The following BCO2 variants were observed in gnomAD, a reference collection of about 807,000 sequenced individuals.
The protein encoded by BCO2 is beta-carotene oxygenase 2.
A neutral mutation model predicts 65.8 loss-of-function variants in BCO2; 56 were observed. That is an observed-to-expected ratio of 0.85 (90% confidence interval 0.69 to 1.06). The LOEUF (loss-of-function observed/expected upper bound fraction) is 1.06. Ranked by LOEUF, BCO2 falls within the 50% of genes least tolerant of loss-of-function variation. BCO2 has a pLI of 0.00. For synonymous variants in BCO2, 233 were observed against 242.3 expected (o/e 0.96, Z 0.36); for missense variants, 675 against 698.5 (o/e 0.97, Z 0.38).
At chr11:112,182,553 G>C (rs1460684492) in intron 2 of BCO2, among the ~76,000 whole-genome samples, 1 of 152,174 alleles carries the variant, frequency 6.6e-6, no homozygotes, top group Non-Finnish European at 1.5e-5. Context: ...CCTTTGCAGG[G>C]ACATGGATGA....
chr11:112,193,731 T>C (rs750315430), intron 3 of BCO2, 34 bp downstream of exon 3: 34 of 1,578,162 alleles, frequency 2.2e-5, no homozygotes, highest in Non-Finnish European at 2.9e-5. Context: ...TATTACGATA[T>C]ATAACCATCT....
At chr11:112,184,967 C>G (rs537904050) in intron 2 of BCO2, among the ~76,000 whole-genome samples, 13 of 152,220 alleles carry the variant, frequency 8.5e-5, no homozygotes, top group Non-Finnish European at 5.9e-5. Context: ...CAAAGCTTTC[C>G]TTAACAGTAA....
chr11:112,184,865 G>C (rs1566770389), intron 2 of BCO2, among the ~76,000 whole-genome samples: 1 of 152,004 alleles, frequency 6.6e-6, no homozygotes, highest in Non-Finnish European at 1.5e-5. Flanking sequence ...ATCAACATGA[G>C]GCAAGGAATC....
intron 5 of BCO2, 85 bp downstream of exon 5, chr11:112,194,840 T>A: frequency 2.2e-6 from 2 of 897,152 alleles, no homozygotes; most frequent in Non-Finnish European, 3.5e-6. Context: ...GGTTTGTTTT[T>A]TACTGGCACA....
At position 112,215,355 on chromosome 11, in the gene BCO2, G is replaced by A. The variant is rs150120803; in HGVS notation, c.1515+411G>A. 3.8e-3 allele frequency: 930 copies of A among 242,174 alleles called. 3 individuals are homozygous for A. Among genetic ancestry groups the A allele is most frequent in the Middle Eastern group, 6.3e-3 (4 of 632 alleles). 15.0% of individuals were successfully genotyped at this position (242,174 alleles called of 1,614,324 possible). A position where few individuals can be genotyped will look rare whatever the true frequency, so the allele number is the denominator to read the frequency against. On this transcript the variant is annotated intron_variant, in intron 10 of 11. Transcript: ENST00000357685. The stretch of plus-strand genomic sequence containing the variant: ...TTACTTTTGGAATATTCTATTGACA[G>A]CCTGTGTTAGTCTGTTCTGTGTTGT...
rs1258450400 is a variant in BCO2 at position 112,194,696 on chromosome 11, A to G, written c.677A>G (p.His226Arg). The G allele has an allele frequency of 2.5e-6, 4 of 1,613,446 alleles. No homozygotes were observed. In the South Asian group the frequency reaches 3.3e-5, roughly 13 times the overall value. The change falls in exon 5 of 12, where the codon CAT (histidine) becomes CGT (arginine). Residue 226 changes from histidine (H) to arginine (R), a missense_variant. Coordinates refer to ENST00000357685, the MANE Select transcript of BCO2 (RefSeq NM_031938.7). ...ATTGCTGTGAATGGAGCAACTGCACATCCTCATTATGACCTGGATGGAACA... is the reference window on the plus strand; with the variant it reads ...ATTGCTGTGAATGGAGCAACTGCACGTCCTCATTATGACCTGGATGGAACA... ...KFIAVNGATA[H>R]PHYDLDGTAY...
At chr11:112,182,477 C>T (rs1368416301) in intron 2 of BCO2, among the ~76,000 whole-genome samples, 2 of 152,036 alleles carry the variant, frequency 1.3e-5, no homozygotes, top group Non-Finnish European at 2.9e-5. Flanking sequence ...ATAGACTGGA[C>T]TAAGAAAATG....
Position 112,191,099 on chromosome 11 carries a change from C to G in BCO2, c.294-2375C>G, listed in dbSNP as rs192594785. On this transcript the variant is annotated intron_variant, in intron 2 of 11. Coordinates refer to ENST00000357685, the MANE Select transcript of BCO2 (RefSeq NM_031938.7). ...AGAAACAGGAAGGGATGGTCAGTATCTTCACTACTGTTCAACATTGTACCA... is the reference window on the plus strand; with the variant it reads ...AGAAACAGGAAGGGATGGTCAGTATGTTCACTACTGTTCAACATTGTACCA... 5.7e-4 allele frequency among the ~76,000 whole-genome samples: 86 copies of G among 151,648 alleles called. No individual in the cohort carries two copies. In the Middle Eastern group the frequency reaches 0.014, roughly 24 times the overall value.
At chr11:112,213,988 A>C in intron 9 of BCO2, 127 bp downstream of exon 9, 1 of 742,170 alleles carries the variant, frequency 1.3e-6, no homozygotes, top group Non-Finnish European at 2.0e-6. Context: ...GGTTAAGGTT[A>C]TGTAACATCG....
chr11:112,199,169 T>C (rs1867660733), intron 5 of BCO2, among the ~76,000 whole-genome samples: 1 of 152,196 alleles, frequency 6.6e-6, no homozygotes, highest in Non-Finnish European at 1.5e-5. Flanking sequence ...CCATGTGTTC[T>C]CATTGTTCAA....
chr11:112,201,056 A>T (rs1222016078), intron 7 of BCO2, among the ~76,000 whole-genome samples: 1 of 152,174 alleles, frequency 6.6e-6, no homozygotes, highest in African/African-American at 2.4e-5. Flanking sequence ...ATATCATAAT[A>T]GTTGCTAAAG....
rs191607054 is a variant in BCO2, at chr11:112,214,894, T to C, written c.1465T>C (p.Leu489=). 6.3e-5 allele frequency: 101 copies of C among 1,614,198 alleles called. No individual in the cohort carries two copies. The highest frequency in any genetic ancestry group is 8.5e-5 in the Non-Finnish European group (100 of 1,180,034). Residue 489 remains leucine (L), a synonymous_variant, in exon 10 of 12, where the codon TTA becomes CTA. Coordinates refer to ENST00000357685, the MANE Select transcript of BCO2 (RefSeq NM_031938.7). ...HFFYGCGFRH[L]VGDSLIKVDV... Reference sequence around the variant, plus strand: ...CTTTTATGGCTGTGGCTTTCGGCATTTAGTGGGGGATTCTCTGATCAAGGT... The same window carrying C: ...CTTTTATGGCTGTGGCTTTCGGCATCTAGTGGGGGATTCTCTGATCAAGGT...
rs542621923 is a variant in BCO2 at position 112,199,258 on chromosome 11, G to A, written c.737-441G>A. On this transcript the variant is annotated intron_variant, in intron 5 of 11. Coordinates refer to ENST00000357685, the MANE Select transcript of BCO2 (RefSeq NM_031938.7). ...TTTGCTGAGAATGATGGTTTCCAGC[G>A]TCATCCATGTCCCTGCAAAGGACAT... 1.0e-3 allele frequency among the ~76,000 whole-genome samples: 158 copies of A among 152,196 alleles called. 1 individual carries two copies. Among genetic ancestry groups the A allele is most frequent in the African/African-American group, 3.4e-3 (142 of 41,528 alleles).
At position 112,200,676 on chromosome 11, in the gene BCO2, C is replaced by A; in HGVS notation, c.929C>A (p.Ala310Asp). The change falls in exon 7 of 12, where the codon GCC (alanine) becomes GAC (aspartate). Residue 310 changes from alanine to aspartate, a missense_variant. Physicochemically the swap from Ala to Asp is moderately radical, Grantham distance 126. Coordinates refer to ENST00000357685, the MANE Select transcript of BCO2 (RefSeq NM_031938.7). ...CTAAAGATGAACCTGTGGAAAATTG[C>A]CACTTCTAAAATTCGGGGAAAGGCC... ...QPLKMNLWKI[A>D]TSKIRGKAFS... The A allele has an allele frequency of 1.9e-6, 3 of 1,613,628 alleles. No individual in the cohort carries two copies. The highest frequency in any genetic ancestry group is 2.5e-6 in the Non-Finnish European group (3 of 1,179,778).
intron 2 of BCO2, among the ~76,000 whole-genome samples, chr11:112,192,009 G>A (rs766781025): frequency 3.3e-5 from 5 of 152,078 alleles, no homozygotes; most frequent in Non-Finnish European, 7.4e-5. Flanking sequence ...TCATGAAACA[G>A]ATCTTTAGAA....
At chr11:112,182,910 G>C in intron 2 of BCO2, 1 of 1,302,430 alleles carries the variant, frequency 7.7e-7, no homozygotes, top group Non-Finnish European at 1.1e-6. Flanking sequence ...TAATTTTGAG[G>C]ATCCTTCTGG....
Position 112,199,807 on chromosome 11 carries a change from C to T in BCO2, c.845C>T (p.Pro282Leu), listed in dbSNP as rs576063148. The T allele has an allele frequency of 1.4e-5, 22 of 1,614,000 alleles. No homozygotes were observed. In the African/African-American group the frequency reaches 2.4e-4, roughly 18 times the overall value. The change falls in exon 6 of 12, where the codon CCT becomes CTT. Residue 282 changes from proline (P) to leucine (L), a missense_variant. Transcript: ENST00000357685. ...ATTGCTTCTACAGAGAAAGGGAAAC[C>T]TTCTTACTACCATAGCTTTGGTGAG... ...CSIASTEKGK[P>L]SYYHSFGMTR...
At chr11:112,215,535 CCT>C in intron 10 of BCO2, 1 of 154,020 alleles carries the variant, frequency 6.5e-6, no homozygotes, top group Admixed American at 6.4e-5. Context: ...ACGGTGAAAC[CCT>C]GTCTCTACTA....
chr11:112,183,493 G>T (rs1408494689), intron 2 of BCO2, among the ~76,000 whole-genome samples: 4 of 152,092 alleles, frequency 2.6e-5, no homozygotes, highest in Non-Finnish European at 4.4e-5. Context: ...TATTATATTT[G>T]CTTTTAAATA....
Sources: allele counts gnomAD v4.1 joint callset (sites outside exome capture counted in the v4.1 genomes callset), GRCh38; gene constraint gnomAD v4.1.1; transcripts MANE v1.5; gene names NCBI Gene and HGNC (gene_info 2026-07-23, HGNC 2026-07-21).